Variants in SAMM50 observed in about 807,000 individuals in gnomAD.
SAMM50 encodes the protein sorting and assembly machinery component 50 homolog.
SAMM50 carries 47 observed loss-of-function variants against 66.9 expected under a neutral mutation model. The ratio of observed to expected loss-of-function variants is 0.70; its 90% confidence interval spans 0.56 to 0.90. SAMM50 has a LOEUF of 0.90. Ranked by LOEUF, SAMM50 falls within the 40% of genes least tolerant of loss-of-function variation. SAMM50 has a pLI of 0.00. For synonymous variants in SAMM50, 191 were observed against 214.1 expected (o/e 0.89, Z 0.94); for missense variants, 535 against 595.3 (o/e 0.90, Z 1.05).
Position 43,977,957 on chromosome 22 carries a change from C to T in SAMM50, c.935C>T (p.Ser312Leu), listed in dbSNP as rs777522514. 2 of 1,603,002 alleles carry T rather than the reference C, an allele frequency of 1.2e-6. No homozygotes were observed. The highest frequency in any genetic ancestry group is 2.2e-5 in the South Asian group (2 of 90,446). Residue 312 changes from serine (S) to leucine (L), a missense_variant and splice_region_variant, in exon 10 of 15, where the codon TCA becomes TTA. By Grantham distance (145) the Ser-to-Leu change is moderately radical. Coordinates refer to ENST00000350028, the MANE Select transcript of SAMM50 (RefSeq NM_015380.5). ...LQLNKQLIFD[S>L]VFSASFWGGM... ...TTGAACAAGCAACTCATATTTGATTCAGTGAGTATCTAACGGATGCTGGCA... is the reference window on the plus strand; with the variant it reads ...TTGAACAAGCAACTCATATTTGATTTAGTGAGTATCTAACGGATGCTGGCA...
intron 3 of SAMM50, 34 bp from the exon 4 acceptor site, chr22:43,968,697 A>C (rs1363951937): frequency 7.0e-7 from 1 of 1,438,390 alleles, no homozygotes; most frequent in Admixed American, 1.7e-5. Flanking sequence ...TCGTAGAAGA[A>C]TATATTCCTT....
Position 43,990,188 on chromosome 22 carries a change from C to T in SAMM50, c.1223-77C>T, listed in dbSNP as rs1026295391. On this transcript the variant is annotated intron_variant, in intron 13 of 14. Coordinates refer to ENST00000350028, the MANE Select transcript of SAMM50 (RefSeq NM_015380.5). ...ACTGCAGGGCCCAGCCAGGGGGAGC[C>T]AGGGCTTGTCTGGGAGAGCTGGGAG... 8.9e-6 allele frequency: 14 copies of T among 1,575,590 alleles called. No individual in the cohort carries two copies. In the African/African-American group the frequency reaches 1.6e-4, roughly 18 times the overall value.
At position 43,989,095 on chromosome 22, in the gene SAMM50, C is replaced by CCG; in HGVS notation, c.1076-15_1076-14insGC. On this transcript the variant is annotated splice_polypyrimidine_tract_variant and intron_variant, in intron 12 of 14. Coordinates refer to ENST00000350028, the MANE Select transcript of SAMM50 (RefSeq NM_015380.5). ...TGTCGGACCTTGTTTTTGTTCTGCA[C>CCG]CCCTCCTTTGCTTAGGAGACTACCT... 6.2e-7 allele frequency: 1 copy of CCG among 1,605,528 alleles called. No individual in the cohort carries two copies. The highest frequency in any genetic ancestry group is 8.5e-7 in the Non-Finnish European group (1 of 1,176,860).
rs551261519 is a variant in SAMM50 at position 43,993,085 on chromosome 22, G to A, written c.1364+2679G>A. On this transcript the variant is annotated intron_variant, in intron 14 of 14. Coordinates refer to ENST00000350028, the MANE Select transcript of SAMM50 (RefSeq NM_015380.5). ...GTTGGGCTCCCTGGCCTAACAGCCAGGTTCTCATTTGAATCCTTGCAGGTA... is the reference window on the plus strand; with the variant it reads ...GTTGGGCTCCCTGGCCTAACAGCCAAGTTCTCATTTGAATCCTTGCAGGTA... Among the ~76,000 whole-genome samples, 212 of 152,382 alleles carry A rather than the reference G, an allele frequency of 1.4e-3. 1 individual carries two copies. Among genetic ancestry groups the A allele is most frequent in the African/African-American group, 4.7e-3 (196 of 41,594 alleles).
intron 10 of SAMM50, among the ~76,000 whole-genome samples, chr22:43,978,416 C>T (rs1351816273): frequency 1.8e-5 from 2 of 112,246 alleles, no homozygotes; most frequent in Admixed American, 1.2e-4. Context: ...GCCTGGGTGA[C>T]AGAGAGACTC....
chr22:43,988,760 G>T (rs529966094), intron 12 of SAMM50: 99 of 180,978 alleles, frequency 5.5e-4, no homozygotes, highest in African/African-American at 2.3e-3. Context: ...TCATTTGCAG[G>T]TGGAAGTGAG....
intron 9 of SAMM50, 133 bp downstream of exon 9, chr22:43,976,954 T>C (rs1295948360): frequency 1.5e-5 from 9 of 589,062 alleles, no homozygotes; most frequent in Admixed American, 6.7e-5. Context: ...AGTATCGCTT[T>C]TGAAGGTCGC....
At chr22:43,963,076 C>G (rs2050155349) in intron 1 of SAMM50, 3 of 383,264 alleles carry the variant, frequency 7.8e-6, no homozygotes, top group Non-Finnish European at 9.4e-6. Context: ...TTAGTGACCA[C>G]CAGTGAGTTA....
chr22:43,963,465 A>T, intron 2 of SAMM50, 69 bp downstream of exon 2: 2 of 915,948 alleles, frequency 2.2e-6, no homozygotes, highest in Non-Finnish European at 3.4e-6. Context: ...ACCACTAGGG[A>T]GATGTAAAGG....
chr22:43,985,056 G>A (rs1379994182), intron 12 of SAMM50, among the ~76,000 whole-genome samples: 1 of 151,934 alleles, frequency 6.6e-6, no homozygotes, highest in Non-Finnish European at 1.5e-5. Context: ...CTATATTTTA[G>A]TTAATAGGCT....
At chr22:43,990,481 T>A in intron 14 of SAMM50, 75 bp downstream of exon 14, 1 of 1,394,724 alleles carries the variant, frequency 7.2e-7, no homozygotes, top group Admixed American at 1.9e-5. Flanking sequence ...ACGTGGTTAA[T>A]TTCATTAGTG....
chr22:43,996,202 C>CGGCAGCCA (rs1394915771), intron 14 of SAMM50, 136 bp from the exon 15 acceptor site: 4 of 941,926 alleles, frequency 4.2e-6, no homozygotes, highest in Non-Finnish European at 6.9e-6. Flanking sequence ...AGGGTGAGGC[C>CGGCAGCCA]GGCAGCCAGG....
At chr22:43,979,476 C>T (rs1262489169) in intron 10 of SAMM50, among the ~76,000 whole-genome samples, 1 of 152,244 alleles carries the variant, frequency 6.6e-6, no homozygotes, top group African/African-American at 2.4e-5. Context: ...CAGCCACCTG[C>T]CACCCACTGG....
At chr22:43,961,957 C>G (rs2050148888) in intron 1 of SAMM50, among the ~76,000 whole-genome samples, 1 of 151,958 alleles carries the variant, frequency 6.6e-6, no homozygotes, top group East Asian at 1.9e-4. Flanking sequence ...CCAGGCTGGT[C>G]TCAAACTCCT....
intron 1 of SAMM50, among the ~76,000 whole-genome samples, chr22:43,960,413 TC>T (rs2146805161): frequency 6.6e-6 from 1 of 152,148 alleles, no homozygotes; most frequent in South Asian, 2.1e-4. Flanking sequence ...ATTGAGTACT[TC>T]CGAGGTGCCA....
intron 14 of SAMM50, 105 bp from the exon 15 acceptor site, chr22:43,996,233 G>T (rs1603420877): frequency 8.2e-7 from 1 of 1,217,104 alleles, no homozygotes; most frequent in Non-Finnish European, 1.2e-6. Flanking sequence ...GCAGGAGGAG[G>T]AGGAAGCGGA....
At chr22:43,977,424 C>G (rs994704550) in intron 9 of SAMM50, among the ~76,000 whole-genome samples, 12 of 152,230 alleles carry the variant, frequency 7.9e-5, no homozygotes, top group Admixed American at 5.2e-4. Context: ...TACCCTCGCT[C>G]TGGCCGGTGG....
chr22:43,960,170 G>T (rs2050140802), intron 1 of SAMM50, among the ~76,000 whole-genome samples: 2 of 152,064 alleles, frequency 1.3e-5, no homozygotes, highest in African/African-American at 4.8e-5. Context: ...ATCTTACTTT[G>T]TTCATATTTT....
intron 1 of SAMM50, among the ~76,000 whole-genome samples, chr22:43,959,610 C>CAGGAGG (rs2050138500): frequency 6.6e-6 from 1 of 151,654 alleles, no homozygotes; most frequent in South Asian, 2.1e-4. Context: ...CTCAAGTGAT[C>CAGGAGG]CTCCTGCCTT....
Sources: allele counts gnomAD v4.1 joint callset (sites outside exome capture counted in the v4.1 genomes callset), GRCh38; gene constraint gnomAD v4.1.1; transcripts MANE v1.5; gene names NCBI Gene and HGNC (gene_info 2026-07-23, HGNC 2026-07-21).